Variants in DOCK8 observed in about 807,000 individuals in gnomAD.
DOCK8 encodes dedicator of cytokinesis 8.
A neutral mutation model predicts 245.6 loss-of-function variants in DOCK8; 141 were observed. The observed-to-expected ratio is 0.57, with a 90% CI of 0.50 to 0.66. The LOEUF (loss-of-function observed/expected upper bound fraction) is 0.66, where lower values mean the gene tolerates loss of function less well. Among genes scored for constraint, DOCK8 ranks in the 30% least tolerant of loss-of-function variants. The pLI is 0.00. For missense variants in DOCK8, 2,965 were observed against 2,603.4 expected (o/e 1.14, Z -3.02); for synonymous variants, 1,168 against 970.2 (o/e 1.20, Z -3.79).
At chr9:260,587 C>A (rs1207148648) in intron 1 of DOCK8, among the ~76,000 whole-genome samples, 1 of 152,132 alleles carries the variant, frequency 6.6e-6, no homozygotes, top group African/African-American at 2.4e-5. Flanking sequence ...GGACTTTATT[C>A]CACAGATATA....
At chr9:436,164 C>T (rs938945232) in intron 39 of DOCK8, among the ~76,000 whole-genome samples, 1 of 152,188 alleles carries the variant, frequency 6.6e-6, no homozygotes. Flanking sequence ...CTGGGTATTG[C>T]CTCCTATGAA....
chr9:311,321 C>T (rs1253374962), intron 5 of DOCK8, among the ~76,000 whole-genome samples: 1 of 151,340 alleles, frequency 6.6e-6, no homozygotes, highest in African/African-American at 2.4e-5. Context: ...CTCACTGCAG[C>T]CTTGAACTCC....
intron 14 of DOCK8, among the ~76,000 whole-genome samples, chr9:362,522 C>T (rs550985533): frequency 6.6e-6 from 1 of 152,342 alleles, no homozygotes; most frequent in East Asian, 1.9e-4. Context: ...ATCCCTGCAA[C>T]CAGTTGACAC....
intron 1 of DOCK8, among the ~76,000 whole-genome samples, chr9:266,692 C>T (rs2048041214): frequency 6.6e-6 from 1 of 152,120 alleles, no homozygotes; most frequent in South Asian, 2.1e-4. Flanking sequence ...GCTTCTCTAC[C>T]CACTCCTTAC....
rs75207870 is a variant in DOCK8, at chr9:311,917, C to A, written c.529-37C>A. The stretch of plus-strand genomic sequence containing the variant: ...TCTTCGGTTCTCATTTTAGACTTGC[C>A]GTCTCTCTCACAAAGACCCACTGTT... On this transcript the variant is annotated intron_variant, in intron 5 of 47. Transcript: ENST00000432829. 8.3e-5 allele frequency: 133 copies of A among 1,607,984 alleles called. No individual in the cohort carries two copies. The East Asian group carries it at 2.9e-3, about 35-fold the overall frequency.
rs1378205832 is a variant in DOCK8, at chr9:304,528, T to G, written c.405-53T>G. 2.5e-6 allele frequency: 4 copies of G among 1,611,412 alleles called. No homozygotes were observed. The South Asian group carries it at 4.4e-5, about 18-fold the overall frequency. The stretch of plus-strand genomic sequence containing the variant: ...TTACTTTTATTTTTAATCTAATGGT[T>G]TGCCGCTCTCTCTCCCTCTTTCTCT... On this transcript the variant is annotated intron_variant, in intron 4 of 47. Coordinates refer to ENST00000432829, the MANE Select transcript of DOCK8 (RefSeq NM_203447.4).
At chr9:432,348 C>G (rs2056748882) in intron 37 of DOCK8, 24 bp downstream of exon 37, 1 of 1,613,328 alleles carries the variant, frequency 6.2e-7, no homozygotes, top group Admixed American at 1.7e-5. Flanking sequence ...CATACCTTGT[C>G]TCATGCATGA....
At chr9:408,388 T>C (rs954382653) in intron 28 of DOCK8, among the ~76,000 whole-genome samples, 1 of 152,206 alleles carries the variant, frequency 6.6e-6, no homozygotes, top group East Asian at 1.9e-4. Context: ...TTCTGCCTCC[T>C]TCCAGATAAA....
At position 399,211 on chromosome 9, in the gene DOCK8, C is replaced by A; in HGVS notation, c.3186C>A (p.Leu1062=). Reference sequence around the variant, plus strand: ...TCTTCTTGTATGACCTTCTCTCCCTCATGGATCGGGGCTTTGTGTTTAACC... The same window carrying A: ...TCTTCTTGTATGACCTTCTCTCCCTAATGGATCGGGGCTTTGTGTTTAACC... The part of the protein sequence containing the change: ...LAFFLYDLLS[L]MDRGFVFNLI... Residue 1062 remains leucine, a synonymous_variant, in exon 26 of 48, where the codon CTC becomes CTA. Coordinates refer to ENST00000432829, the MANE Select transcript of DOCK8 (RefSeq NM_203447.4). 6.2e-7 allele frequency: 1 copy of A among 1,614,058 alleles called. No individual in the cohort carries two copies. The highest frequency in any genetic ancestry group is 8.5e-7 in the Non-Finnish European group (1 of 1,180,000).
chr9:355,268 A>G (rs543894537), intron 14 of DOCK8, among the ~76,000 whole-genome samples: 89 of 145,956 alleles, frequency 6.1e-4, no homozygotes, highest in African/African-American at 2.1e-3. Context: ...CAGTGGCACA[A>G]TCTCAGCTCA....
intron 4 of DOCK8, among the ~76,000 whole-genome samples, chr9:299,986 C>T (rs2049457629): frequency 6.7e-6 from 1 of 148,670 alleles, no homozygotes; most frequent in African/African-American, 2.5e-5. Flanking sequence ...CGTGCCACTG[C>T]ACTCCAGCCT....
intron 1 of DOCK8, among the ~76,000 whole-genome samples, chr9:234,336 C>T (rs566477017): frequency 1.3e-5 from 2 of 152,278 alleles, no homozygotes; most frequent in African/African-American, 4.8e-5. Context: ...AACATTTTTC[C>T]CTTCATTTCA....
At chr9:305,559 A>G (rs894409619) in intron 5 of DOCK8, among the ~76,000 whole-genome samples, 2 of 152,324 alleles carry the variant, frequency 1.3e-5, no homozygotes, top group Non-Finnish European at 2.9e-5. Context: ...TGCTGGGATT[A>G]CAGGCATGAG....
chr9:316,653 G>T (rs1053692206), intron 6 of DOCK8, among the ~76,000 whole-genome samples: 2 of 152,172 alleles, frequency 1.3e-5, no homozygotes, highest in African/African-American at 4.8e-5. Flanking sequence ...ATACTTACTA[G>T]TAAAGCCCTT....
At chr9:423,592 A>G (rs2056365895) in intron 33 of DOCK8, among the ~76,000 whole-genome samples, 1 of 152,234 alleles carries the variant, frequency 6.6e-6, no homozygotes, top group African/African-American at 2.4e-5. Flanking sequence ...GGGGAGTCAC[A>G]TTTATTTTAA....
chr9:257,769 G>A (rs936741311), intron 1 of DOCK8, among the ~76,000 whole-genome samples: 1 of 152,048 alleles, frequency 6.6e-6, no homozygotes, highest in Non-Finnish European at 1.5e-5. Flanking sequence ...TGCCCACCTC[G>A]GCCTCCTAAA....
At chr9:299,647 C>G (rs538411882) in intron 4 of DOCK8, among the ~76,000 whole-genome samples, 1 of 151,414 alleles carries the variant, frequency 6.6e-6, no homozygotes, top group South Asian at 2.1e-4. Context: ...TTTTCATTTC[C>G]CCAATTTAGC....
intron 46 of DOCK8, among the ~76,000 whole-genome samples, chr9:460,830 G>T (rs1159146179): frequency 6.6e-6 from 1 of 152,218 alleles, no homozygotes; most frequent in African/African-American, 2.4e-5. Flanking sequence ...AGTGTTAAGA[G>T]GATTTGATAA....
At chr9:428,603 G>T in intron 35 of DOCK8, 107 bp downstream of exon 35, 1 of 1,392,454 alleles carries the variant, frequency 7.2e-7, no homozygotes, top group East Asian at 2.4e-5. Flanking sequence ...CATATTAAGT[G>T]GCATCACAGT....
Sources: gnomAD v4.1 joint callset for allele counts (sites outside exome capture counted in the v4.1 genomes callset) on GRCh38, gnomAD v4.1.1 for gene constraint, MANE v1.5 for transcripts, NCBI Gene and HGNC (gene_info 2026-07-23, HGNC 2026-07-21) for gene names.